The following KLHL29 variants were observed in gnomAD, a reference collection of about 807,000 sequenced individuals.
The protein encoded by KLHL29 is kelch-like protein 29.
Under a neutral mutation model 80.4 loss-of-function variants are expected in KLHL29, and 21 were observed. That is an observed-to-expected ratio of 0.26 (90% CI 0.19 to 0.38). The LOEUF (loss-of-function observed/expected upper bound fraction) is 0.38, where lower values mean the gene tolerates loss of function less well. KLHL29 is among the 10% of genes least tolerant of loss of function. The probability of loss-of-function intolerance (pLI) is 1.00; values close to 1 mark genes in which losing one functional copy is unlikely to be tolerated. For missense variants in KLHL29, 867 were observed against 1,223.9 expected (o/e 0.71, Z 4.35); for synonymous variants, 511 against 526.8 (o/e 0.97, Z 0.41).
intron 11 of KLHL29, among the ~76,000 whole-genome samples, chr2:23,702,901 A>T (rs1377533745): frequency 7.0e-6 from 1 of 142,330 alleles, no homozygotes; most frequent in Non-Finnish European, 1.6e-5. Flanking sequence ...AGAGGAGGGG[A>T]GCACTGTGTG....
intron 1 of KLHL29, among the ~76,000 whole-genome samples, chr2:23,436,616 C>T (rs914645039): frequency 1.3e-5 from 2 of 152,224 alleles, no homozygotes; most frequent in South Asian, 2.1e-4. Flanking sequence ...GCGCATTCAG[C>T]GCTGCGAAGC....
At chr2:23,449,852 C>T (rs1360924117) in intron 1 of KLHL29, among the ~76,000 whole-genome samples, 1 of 152,164 alleles carries the variant, frequency 6.6e-6, no homozygotes, top group African/African-American at 2.4e-5. Flanking sequence ...CCCTCTGGAA[C>T]CCTGCATGTT....
intron 2 of KLHL29, among the ~76,000 whole-genome samples, chr2:23,496,390 A>G (rs1249802195): frequency 1.3e-5 from 2 of 152,218 alleles, no homozygotes; most frequent in African/African-American, 4.8e-5. Flanking sequence ...TCACCAGACT[A>G]TTGAAACTGC....
At chr2:23,464,356 G>A (rs893710809) in intron 1 of KLHL29, among the ~76,000 whole-genome samples, 3 of 152,256 alleles carry the variant, frequency 2.0e-5, no homozygotes, top group African/African-American at 4.8e-5. Context: ...TTAATTCCCC[G>A]CCAGCAGCTT....
At chr2:23,482,656 A>G (rs917430129) in intron 2 of KLHL29, among the ~76,000 whole-genome samples, 24 of 152,306 alleles carry the variant, frequency 1.6e-4, no homozygotes, top group Admixed American at 1.4e-3. Context: ...CTCAGAGGCC[A>G]CTCAGAAAGA....
intron 2 of KLHL29, among the ~76,000 whole-genome samples, chr2:23,526,226 G>A (rs192329397): frequency 1.1e-3 from 172 of 152,296 alleles, no homozygotes; most frequent in African/African-American, 3.8e-3. Context: ...ACGTGCAGTC[G>A]TGGTGTTCAT....
At chr2:23,458,065 A>G in intron 1 of KLHL29, among the ~76,000 whole-genome samples, 1 of 152,218 alleles carries the variant, frequency 6.6e-6, no homozygotes, top group Non-Finnish European at 1.5e-5. Flanking sequence ...CTCCTGGGGA[A>G]AAGCGTGAGG....
chr2:23,413,530 AT>A (rs1041818809), intron 1 of KLHL29, among the ~76,000 whole-genome samples: 20 of 152,116 alleles, frequency 1.3e-4, no homozygotes, highest in Non-Finnish European at 2.9e-4. Flanking sequence ...CCGCTCATTT[AT>A]TAAGACCCAC....
chr2:23,386,557 G>A (rs2103378684), intron 1 of KLHL29, among the ~76,000 whole-genome samples: 1 of 152,284 alleles, frequency 6.6e-6, no homozygotes. Flanking sequence ...GGTTGTTGAT[G>A]TGTGGGACAG....
intron 3 of KLHL29, among the ~76,000 whole-genome samples, chr2:23,609,532 G>A (rs1411335774): frequency 2.6e-5 from 4 of 151,956 alleles, no homozygotes; most frequent in African/African-American, 7.3e-5. Flanking sequence ...CGCCCCCCTC[G>A]GCTGGTTGTG....
intron 1 of KLHL29, among the ~76,000 whole-genome samples, chr2:23,400,097 G>A (rs555842569): frequency 6.6e-6 from 1 of 152,262 alleles, no homozygotes; most frequent in Non-Finnish European, 1.5e-5. Context: ...TGCTTTTTTG[G>A]TGACTCAGCA....
chr2:23,626,963 C>T (rs1287609692), intron 3 of KLHL29, among the ~76,000 whole-genome samples: 1 of 152,202 alleles, frequency 6.6e-6, no homozygotes, highest in African/African-American at 2.4e-5. Context: ...ACCGTGGCTA[C>T]CCAGCCTCTT....
chr2:23,441,548 AAC>A lies in KLHL29; in HGVS notation c.-153-34010_-153-34009del, dbSNP rs1195752754. 5.9e-5 allele frequency among the ~76,000 whole-genome samples: 9 copies of A among 152,314 alleles called. 3 individuals carry two copies. Among genetic ancestry groups the A allele is most frequent in the African/African-American group, 2.2e-4 (9 of 41,568 alleles). ...AAAAAACTTAGTAACCTAAAAGAAC[AAC>A]ATTTATTTGCTCAGAATTCTGCAGT... On this transcript the variant is annotated intron_variant, in intron 1 of 13. Transcript: ENST00000486442.
In KLHL29 at chr2:23,595,870, C is replaced by T. The variant is rs73919779; in HGVS notation, c.285+33389C>T. On this transcript the variant is annotated intron_variant, in intron 3 of 13. Coordinates refer to ENST00000486442, the MANE Select transcript of KLHL29 (RefSeq NM_052920.2). ...AGGCCAGTGAATTGTGAGCTCCCCA[C>T]GCAAGCAGCATGCCCCTTCCAGACA... 3.3e-3 allele frequency among the ~76,000 whole-genome samples: 499 copies of T among 152,330 alleles called. 1 individual carries two copies. Among genetic ancestry groups the T allele is most frequent in the African/African-American group, 0.011 (471 of 41,560 alleles).
chr2:23,409,410 T>A (rs1666810561), intron 1 of KLHL29, among the ~76,000 whole-genome samples: 1 of 152,248 alleles, frequency 6.6e-6, no homozygotes, highest in Non-Finnish European at 1.5e-5. Context: ...TCTCCCCACA[T>A]CCCCACACAG....
intron 1 of KLHL29, among the ~76,000 whole-genome samples, chr2:23,416,045 C>T (rs1363319060): frequency 1.3e-5 from 2 of 152,118 alleles, no homozygotes; most frequent in Non-Finnish European, 2.9e-5. Context: ...CTAAATCATG[C>T]AGAGTGGCTT....
chr2:23,678,083 C>A (rs1370232044), intron 5 of KLHL29, among the ~76,000 whole-genome samples: 1 of 152,222 alleles, frequency 6.6e-6, no homozygotes, highest in Non-Finnish European at 1.5e-5. Context: ...CCCTTATAGG[C>A]CAGCCAGAAC....
chr2:23,594,334 C>T (rs538292706), intron 3 of KLHL29, among the ~76,000 whole-genome samples: 4 of 152,250 alleles, frequency 2.6e-5, no homozygotes, highest in African/African-American at 9.6e-5. Flanking sequence ...CTGAGGCGCC[C>T]GCAGACTTCC....
intron 3 of KLHL29, among the ~76,000 whole-genome samples, chr2:23,603,603 A>C (rs192738696): frequency 6.6e-6 from 1 of 152,278 alleles, no homozygotes; most frequent in Admixed American, 6.5e-5. Context: ...TTTCTAAAAG[A>C]GGGAGATCGA....
Sources: gnomAD v4.1 joint callset for allele counts (sites outside exome capture counted in the v4.1 genomes callset) on GRCh38, gnomAD v4.1.1 for gene constraint, MANE v1.5 for transcripts, NCBI Gene and HGNC (gene_info 2026-07-23, HGNC 2026-07-21) for gene names.